Variants in EYS observed in about 807,000 individuals in gnomAD.
EYS encodes EGF-like photoreceptor maintenance factor.
EYS carries 250 observed loss-of-function variants against 282.1 expected under a neutral mutation model. The observed-to-expected ratio is 0.89, with a 90% CI of 0.80 to 0.98. The LOEUF (loss-of-function observed/expected upper bound fraction) is 0.98. EYS is among the 50% of genes least tolerant of loss of function. The pLI is 0.00. For synonymous variants in EYS, 1,355 were observed against 1,282.9 expected (o/e 1.06, Z -1.20); for missense variants, 4,016 against 3,709.0 (o/e 1.08, Z -2.15).
chr6:64,600,562 T>C (rs1766731899), intron 24 of EYS, among the ~76,000 whole-genome samples: 1 of 152,130 alleles, frequency 6.6e-6, no homozygotes, highest in South Asian at 2.1e-4. Flanking sequence ...AAAAGATTTT[T>C]CCACACAAAA....
intron 14 of EYS, among the ~76,000 whole-genome samples, chr6:64,956,512 C>T (rs1769705791): frequency 6.6e-6 from 1 of 152,136 alleles, no homozygotes; most frequent in African/African-American, 2.4e-5. Flanking sequence ...GGAAAATCTC[C>T]AGGACATTGG....
chr6:64,830,100 T>A (rs1251740767), intron 19 of EYS, among the ~76,000 whole-genome samples: 1 of 151,896 alleles, frequency 6.6e-6, no homozygotes, highest in Non-Finnish European at 1.5e-5. Flanking sequence ...GGCAGAGCCC[T>A]CATCAATGGA....
intron 33 of EYS, among the ~76,000 whole-genome samples, chr6:64,054,787 G>T (rs1295264878): frequency 6.6e-6 from 1 of 152,042 alleles, no homozygotes; most frequent in African/African-American, 2.4e-5. Context: ...ACCCCTTAAA[G>T]ATATTATAAA....
intron 41 of EYS, among the ~76,000 whole-genome samples, chr6:63,727,071 T>A (rs116741865): frequency 6.6e-6 from 1 of 152,202 alleles, no homozygotes; most frequent in East Asian, 1.9e-4. Flanking sequence ...CAACACTTTA[T>A]AAGTTATTCT....
chr6:64,849,311 G>T (rs1368795105), intron 19 of EYS, among the ~76,000 whole-genome samples: 1 of 151,292 alleles, frequency 6.6e-6, no homozygotes, highest in Middle Eastern at 3.4e-3. Context: ...ATATCCAGTT[G>T]GTTATATAAG....
chr6:63,763,900 A>G (rs1321665019), intron 40 of EYS, among the ~76,000 whole-genome samples: 1 of 130,410 alleles, frequency 7.7e-6, no homozygotes, highest in African/African-American at 3.0e-5. Context: ...ATATATATAT[A>G]TTTGATAAAC....
chr6:65,108,918 T>A (rs1457849375), intron 12 of EYS, among the ~76,000 whole-genome samples: 1 of 152,098 alleles, frequency 6.6e-6, no homozygotes, highest in African/African-American at 2.4e-5. Context: ...TTGGGTGAAC[T>A]CTGTTGGTAT....
At chr6:64,033,349 T>G (rs1433866283) in intron 33 of EYS, among the ~76,000 whole-genome samples, 1 of 152,140 alleles carries the variant, frequency 6.6e-6, no homozygotes, top group Non-Finnish European at 1.5e-5. Context: ...AAATGTGGTT[T>G]TCTGGTAAAT....
At chr6:64,953,800 C>G (rs1769594070) in intron 14 of EYS, among the ~76,000 whole-genome samples, 1 of 151,700 alleles carries the variant, frequency 6.6e-6, no homozygotes, top group Admixed American at 6.6e-5. Context: ...GTGATACTTT[C>G]AAGGCAAAAC....
At chr6:63,759,194 TA>T (rs1367670387) in intron 41 of EYS, among the ~76,000 whole-genome samples, 2 of 152,116 alleles carry the variant, frequency 1.3e-5, no homozygotes, top group African/African-American at 4.8e-5. Context: ...AAACTAATAA[TA>T]ATTTAGGACT....
At chr6:64,997,519 G>T (rs1312162315) in intron 14 of EYS, 63 bp downstream of exon 14, 29 of 1,450,666 alleles carry the variant, frequency 2.0e-5, no homozygotes, top group Non-Finnish European at 2.6e-5. Context: ...CACTCTATTT[G>T]TACATAGGTG....
chr6:65,513,591 C>T (rs1455915482), intron 2 of EYS, among the ~76,000 whole-genome samples: 1 of 152,148 alleles, frequency 6.6e-6, no homozygotes, highest in African/African-American at 2.4e-5. Flanking sequence ...GCTTATCCAC[C>T]ATGATTAAGT....
At chr6:64,994,934 T>A (rs1771197573) in intron 14 of EYS, among the ~76,000 whole-genome samples, 1 of 152,162 alleles carries the variant, frequency 6.6e-6, no homozygotes, top group Admixed American at 6.6e-5. Flanking sequence ...GGACCGGCCC[T>A]TTACTGGCTC....
At chr6:64,696,051 C>T (rs1770567971) in intron 22 of EYS, among the ~76,000 whole-genome samples, 1 of 151,866 alleles carries the variant, frequency 6.6e-6, no homozygotes, top group East Asian at 1.9e-4. Context: ...ATTCAAAATG[C>T]TGATTTAAAA....
chr6:63,771,753 C>T (rs1769930377), intron 40 of EYS, among the ~76,000 whole-genome samples: 2 of 152,000 alleles, frequency 1.3e-5, no homozygotes, highest in Admixed American at 1.3e-4. Flanking sequence ...TTACCTCTGA[C>T]TCTTATTTTC....
intron 13 of EYS, among the ~76,000 whole-genome samples, chr6:65,010,688 G>T (rs753107412): frequency 2.0e-5 from 3 of 152,170 alleles, no homozygotes; most frequent in Non-Finnish European, 4.4e-5. Flanking sequence ...TGCTCAGCTG[G>T]CAGAACTAAT....
chr6:64,750,515 C>T (rs1772711845), intron 22 of EYS, among the ~76,000 whole-genome samples: 1 of 150,836 alleles, frequency 6.6e-6, no homozygotes, highest in African/African-American at 2.4e-5. Context: ...AAGAAAACTA[C>T]TTTAGAAAAA....
chr6:65,524,424 G>C (rs1767483462), intron 2 of EYS, among the ~76,000 whole-genome samples: 1 of 152,194 alleles, frequency 6.6e-6, no homozygotes, highest in Non-Finnish European at 1.5e-5. Context: ...GTCAGTAGGA[G>C]TAACAGTGAG....
chr6:65,399,476 CAT>C (rs1417920832), intron 7 of EYS, among the ~76,000 whole-genome samples: 1 of 151,814 alleles, frequency 6.6e-6, no homozygotes, highest in African/African-American at 2.4e-5. Flanking sequence ...GAAATACAGA[CAT>C]GAATAAAACA....
Sources: allele counts gnomAD v4.1 joint callset (sites outside exome capture counted in the v4.1 genomes callset), GRCh38; gene constraint gnomAD v4.1.1; transcripts MANE v1.5; gene names NCBI Gene and HGNC (gene_info 2026-07-23, HGNC 2026-07-21).